AKAP19: variants seen among roughly 807,000 people sequenced by gnomAD.
The protein encoded by AKAP19 is A-kinase anchoring protein 19, also known as small A-kinase anchoring protein.
chr2:190,060,570 G>T, the AKAP19 span: 1 of 759,082 alleles, frequency 1.3e-6, no homozygotes, highest in South Asian at 2.0e-5. Context: ...AATACCGTGT[G>T]GAACTTTATA....
chr2:189,973,138 T>C, the AKAP19 span, among the ~76,000 whole-genome samples: 1 of 152,214 alleles, frequency 6.6e-6, no homozygotes, highest in African/African-American at 2.4e-5. Context: ...ATAGCTCTTA[T>C]TATTTTGAGA....
the AKAP19 span, among the ~76,000 whole-genome samples, chr2:189,999,157 T>G: frequency 6.6e-6 from 1 of 152,248 alleles, no homozygotes; most frequent in African/African-American, 2.4e-5. Flanking sequence ...TTTTCCAGTT[T>G]TTTTTTTGTA....
chr2:190,005,915 T>C, the AKAP19 span, among the ~76,000 whole-genome samples: 4 of 152,346 alleles, frequency 2.6e-5, no homozygotes, highest in South Asian at 4.1e-4. Context: ...TTAGTCTGGA[T>C]TGGGAAGAAG....
At chr2:189,946,361 A>G in the AKAP19 span, among the ~76,000 whole-genome samples, 3 of 152,196 alleles carry the variant, frequency 2.0e-5, no homozygotes, top group Non-Finnish European at 4.4e-5. Context: ...TATAATCCCA[A>G]TGGCTTGGGT....
the AKAP19 span, among the ~76,000 whole-genome samples, chr2:190,040,255 G>A: frequency 1.1e-4 from 17 of 152,180 alleles, 1 homozygote; most frequent in East Asian, 1.7e-3. Context: ...TTTGGTTTGC[G>A]TTTCTCTAAT....
the AKAP19 span, among the ~76,000 whole-genome samples, chr2:190,061,277 A>G: frequency 3.9e-5 from 6 of 152,088 alleles, no homozygotes; most frequent in Admixed American, 2.6e-4. Context: ...TTAAAGCAAG[A>G]TAACAGGTAA....
the AKAP19 span, among the ~76,000 whole-genome samples, chr2:189,967,371 A>G: frequency 6.6e-6 from 1 of 152,216 alleles, no homozygotes. Flanking sequence ...TTGTACACCT[A>G]GACACATCAG....
chr2:190,115,299 A>T, the AKAP19 span, among the ~76,000 whole-genome samples: 24 of 7,350 alleles, frequency 3.3e-3, 1 homozygote, highest in Non-Finnish European at 4.8e-3. Context: ...ATATATATAT[A>T]TATTTTTTTT....
the AKAP19 span, among the ~76,000 whole-genome samples, chr2:189,928,828 G>T: frequency 6.6e-6 from 1 of 152,008 alleles, no homozygotes; most frequent in Admixed American, 6.5e-5. Flanking sequence ...AAAATAATAA[G>T]AAACATTTCT....
At chr2:190,128,021 T>C in the AKAP19 span, among the ~76,000 whole-genome samples, 1 of 152,122 alleles carries the variant, frequency 6.6e-6, no homozygotes, top group African/African-American at 2.4e-5. Context: ...AATAAAGTAA[T>C]AAGGAAATAA....
At chr2:190,075,577 T>C in the AKAP19 span, among the ~76,000 whole-genome samples, 1 of 152,206 alleles carries the variant, frequency 6.6e-6, no homozygotes, top group South Asian at 2.1e-4. Flanking sequence ...CTCTAATCAT[T>C]ATAAAATCAT....
At chr2:190,132,168 T>C in the AKAP19 span, among the ~76,000 whole-genome samples, 13 of 152,312 alleles carry the variant, frequency 8.5e-5, no homozygotes, top group African/African-American at 2.9e-4. Context: ...CACAGAAAGA[T>C]ATCTTGTGTT....
At chr2:189,916,374 T>G in the AKAP19 span, among the ~76,000 whole-genome samples, 1 of 147,822 alleles carries the variant, frequency 6.8e-6, no homozygotes, top group African/African-American at 2.5e-5. Flanking sequence ...CAGGCTGGAG[T>G]GCAATGGCAG....
chr2:189,964,762 T>C, the AKAP19 span, among the ~76,000 whole-genome samples: 8 of 152,236 alleles, frequency 5.3e-5, no homozygotes, highest in African/African-American at 1.9e-4. Flanking sequence ...TTTCACAGAA[T>C]TTAAGAGAGT....
the AKAP19 span, among the ~76,000 whole-genome samples, chr2:189,993,373 A>G: frequency 6.6e-6 from 1 of 152,172 alleles, no homozygotes; most frequent in Non-Finnish European, 1.5e-5. Context: ...CCACTTGATC[A>G]TAATGTATTA....
At chr2:190,200,001 A>C in the AKAP19 span, 2 of 1,613,998 alleles carry the variant, frequency 1.2e-6, no homozygotes, top group African/African-American at 1.3e-5. Flanking sequence ...TCAAAGAGGA[A>C]GTGAAGGAAC....
the AKAP19 span, among the ~76,000 whole-genome samples, chr2:190,023,395 C>G: frequency 6.6e-6 from 1 of 151,946 alleles, no homozygotes; most frequent in Admixed American, 6.6e-5. Flanking sequence ...AGTAACATAG[C>G]ATAACTTTTA....
the AKAP19 span, among the ~76,000 whole-genome samples, chr2:190,052,052 G>T: frequency 8.6e-5 from 13 of 151,910 alleles, no homozygotes; most frequent in Non-Finnish European, 5.9e-5. Context: ...TGTTAGTCAG[G>T]ATGGTCTTGA....
At chr2:189,935,383 GT>G in the AKAP19 span, among the ~76,000 whole-genome samples, 3 of 151,924 alleles carry the variant, frequency 2.0e-5, no homozygotes, top group Non-Finnish European at 4.4e-5. Flanking sequence ...GCTAACATTG[GT>G]AAAGTAAATA....
Sources: gnomAD v4.1 joint callset for allele counts (sites outside exome capture counted in the v4.1 genomes callset) on GRCh38, gnomAD v4.1.1 for gene constraint, MANE v1.5 for transcripts, NCBI Gene and HGNC (gene_info 2026-07-23, HGNC 2026-07-21) for gene names.